Variants in CD2AP observed in about 807,000 individuals in gnomAD.
CD2AP encodes the protein CD2-associated protein.
Under a neutral mutation model 85.1 loss-of-function variants are expected in CD2AP, and 46 were observed. The ratio of observed to expected loss-of-function variants is 0.54; its 90% CI spans 0.43 to 0.69. CD2AP has a LOEUF of 0.69. CD2AP is among the 30% of genes least tolerant of loss of function. CD2AP has a pLI of 0.00. For missense variants in CD2AP, 769 were observed against 729.5 expected, an observed-to-expected ratio of 1.05 and a Z score of -0.62; for synonymous variants, 255 against 252.9, an observed-to-expected ratio of 1.01 and a Z score of -0.08.
At chr6:47,594,525 T>C (rs1277278612) in intron 11 of CD2AP, among the ~76,000 whole-genome samples, 1 of 152,042 alleles carries the variant, frequency 6.6e-6, no homozygotes, top group East Asian at 1.9e-4. Flanking sequence ...TTAATTTATA[T>C]CCTTTGACCA....
At position 47,610,971 on chromosome 6, in the gene CD2AP, A is replaced by ATATATATATATATATATT; in HGVS notation, c.1815-1501_1815-1500insATATATATATATATATTT. On this transcript the variant is annotated intron_variant, in intron 16 of 17. Coordinates refer to ENST00000359314, the MANE Select transcript of CD2AP (RefSeq NM_012120.3). Reference sequence around the variant, plus strand: ...GATTTATATATATATATATATATGTATTTTTTTTTTTTTTTGAATATAAAA... The same window carrying ATATATATATATATATATT: ...GATTTATATATATATATATATATGTATATATATATATATATATTTTTTTTTTTTTTTTTGAATATAAAA... Among the ~76,000 whole-genome samples the ATATATATATATATATATT allele has an allele frequency of 2.9e-3, 332 of 112,808 alleles. 4 individuals carry two copies. The highest frequency in any genetic ancestry group is 4.6e-3 in the Non-Finnish European group (256 of 55,868). 74.0% of individuals were successfully genotyped at this position (112,808 alleles called of 152,430 possible).
At chr6:47,497,912 CTGTT>C (rs1251734201) in intron 1 of CD2AP, among the ~76,000 whole-genome samples, 5 of 152,190 alleles carry the variant, frequency 3.3e-5, no homozygotes, top group African/African-American at 4.8e-5. Context: ...TTAGTATAGA[CTGTT>C]TGTTCCTTAG....
intron 3 of CD2AP, among the ~76,000 whole-genome samples, chr6:47,538,953 T>C (rs1767128081): frequency 6.6e-6 from 1 of 152,244 alleles, no homozygotes; most frequent in African/African-American, 2.4e-5. Context: ...TTTTTAAAAA[T>C]ACTAAACTTG....
intron 4 of CD2AP, among the ~76,000 whole-genome samples, chr6:47,550,156 A>G (rs1767474252): frequency 6.6e-6 from 1 of 152,212 alleles, no homozygotes; most frequent in African/African-American, 2.4e-5. Flanking sequence ...TTTGGCAAGG[A>G]TTTTGTGACC....
At chr6:47,524,782 A>G (rs750429637) in intron 2 of CD2AP, among the ~76,000 whole-genome samples, 20 of 152,316 alleles carry the variant, frequency 1.3e-4, no homozygotes, top group South Asian at 8.3e-4. Flanking sequence ...CCTTTGTCCA[A>G]AATGTGGAGA....
chr6:47,500,572 G>T (rs554753033), intron 1 of CD2AP, among the ~76,000 whole-genome samples: 1 of 152,270 alleles, frequency 6.6e-6, no homozygotes, highest in African/African-American at 2.4e-5. Context: ...ATAGTTAAAG[G>T]TGGTTAATCT....
intron 1 of CD2AP, among the ~76,000 whole-genome samples, chr6:47,499,055 T>C (rs966640466): frequency 2.9e-4 from 44 of 152,366 alleles, no homozygotes; most frequent in African/African-American, 1.0e-3. Flanking sequence ...CCTTTTGATA[T>C]CACTTCTGTG....
rs777032933 is a variant in CD2AP, at chr6:47,605,514, A to G, written c.1418-651A>G. Among the ~76,000 whole-genome samples the G allele has an allele frequency of 1.9e-4, 28 of 151,292 alleles. 1 individual carries two copies. The highest frequency in any genetic ancestry group is 3.4e-4 in the Non-Finnish European group (23 of 67,716). On this transcript the variant is annotated intron_variant, in intron 13 of 17. Transcript: ENST00000359314. The stretch of plus-strand genomic sequence containing the variant: ...TAGCTTTTTCTCTTTTTTTTTTGGT[A>G]TCTGATTTGCCTTAGATTTGTAGCT...
Position 47,625,657 on chromosome 6 carries a change from T to A in CD2AP, c.*1430T>A, listed in dbSNP as rs1467882820. On this transcript the variant is annotated 3_prime_UTR_variant, in exon 18 of 18. Coordinates refer to ENST00000359314, the MANE Select transcript of CD2AP (RefSeq NM_012120.3). ...CCAATGATCATGCTTCCATTTTTTT[T>A]AGTTTTAAACCACCAAACCAATATT... 1 of 151,860 alleles carries A rather than the reference T, an allele frequency of 6.6e-6. No individual in the cohort carries two copies. The highest frequency in any genetic ancestry group is 1.9e-4 in the East Asian group (1 of 5,206). The allele number at this position is 151,860 out of a possible 1,614,324, so 9.4% of individuals were successfully genotyped here. A position where few individuals can be genotyped will look rare whatever the true frequency, so the allele number is the denominator to read the frequency against.
intron 3 of CD2AP, among the ~76,000 whole-genome samples, chr6:47,534,170 A>C (rs529500778): frequency 6.6e-5 from 10 of 152,316 alleles, no homozygotes; most frequent in African/African-American, 2.4e-4. Flanking sequence ...TGGCCTTGCA[A>C]ATTACCTTGT....
chr6:47,581,773 A>T (rs556853875), intron 10 of CD2AP, among the ~76,000 whole-genome samples: 1 of 152,170 alleles, frequency 6.6e-6, no homozygotes, highest in Non-Finnish European at 1.5e-5. Context: ...AGAGGATATG[A>T]TCTCTAACAC....
chr6:47,577,539 T>C (rs1768346693), intron 8 of CD2AP, among the ~76,000 whole-genome samples: 2 of 152,194 alleles, frequency 1.3e-5, no homozygotes, highest in South Asian at 4.1e-4. Context: ...TCTGAAACTC[T>C]TTTTACTCTG....
Position 47,554,744 on chromosome 6 carries a change from T to C in CD2AP, c.519T>C (p.Thr173=). Residue 173 remains threonine, a synonymous_variant, in exon 5 of 18, where the codon ACT becomes ACC. Coordinates refer to ENST00000359314, the MANE Select transcript of CD2AP (RefSeq NM_012120.3). Reference sequence around the variant, plus strand: ...TAGAGGTAACAGATGATGGTGAAACTCATGAAGCCCAGGACGATTCAGGTA... The same window carrying C: ...TAGAGGTAACAGATGATGGTGAAACCCATGAAGCCCAGGACGATTCAGGTA... The part of the protein sequence containing the change: ...KELEVTDDGE[T]HEAQDDSETV... The C allele has an allele frequency of 6.2e-7, 1 of 1,613,512 alleles. No homozygotes were observed. Among genetic ancestry groups the C allele is most frequent in the Non-Finnish European group, 8.5e-7 (1 of 1,179,624 alleles).
rs1193891897 is a variant in CD2AP at position 47,525,273 on chromosome 6, T to A, written c.166-8329T>A. Among the ~76,000 whole-genome samples, 3 of 152,256 alleles carry A rather than the reference T, an allele frequency of 2.0e-5. No homozygotes were observed. The South Asian group carries it at 6.2e-4, about 32-fold the overall frequency. On this transcript the variant is annotated intron_variant, in intron 2 of 17. Coordinates refer to ENST00000359314, the MANE Select transcript of CD2AP (RefSeq NM_012120.3). ...ATACCACTTTTTCATATTGTCTGAT[T>A]ATGCTTCTGTGAAGTAGGAGATACT...
At position 47,566,613 on chromosome 6, in the gene CD2AP, C is replaced by T. The variant is rs554791881; in HGVS notation, c.542-7451C>T. ...CGACCCATCCTCTCAATTCTCCCTTCCCCCGCTCCTCACCCCTCAACAGGT... is the reference window on the plus strand; with the variant it reads ...CGACCCATCCTCTCAATTCTCCCTTTCCCCGCTCCTCACCCCTCAACAGGT... On this transcript the variant is annotated intron_variant, in intron 5 of 17. Transcript: ENST00000359314. Among the ~76,000 whole-genome samples the T allele has an allele frequency of 2.6e-5, 4 of 152,102 alleles. No homozygotes were observed. In the East Asian group the frequency reaches 5.8e-4, roughly 22 times the overall value.
chr6:47,487,562 C>T (rs928643836), intron 1 of CD2AP, among the ~76,000 whole-genome samples: 17 of 151,966 alleles, frequency 1.1e-4, no homozygotes, highest in South Asian at 4.2e-4. Flanking sequence ...TGGTGGCGGG[C>T]GCCTGTAGTC....
intron 13 of CD2AP, among the ~76,000 whole-genome samples, chr6:47,605,254 G>A (rs1232180759): frequency 6.6e-6 from 1 of 151,988 alleles, no homozygotes; most frequent in African/African-American, 2.4e-5. Flanking sequence ...GTAAAGGAAG[G>A]TTATATTAAA....
At chr6:47,546,164 A>G (rs1272987179) in intron 4 of CD2AP, among the ~76,000 whole-genome samples, 1 of 152,192 alleles carries the variant, frequency 6.6e-6, no homozygotes, top group African/African-American at 2.4e-5. Context: ...AATAAAAAAT[A>G]ATCAAAACTT....
At chr6:47,480,787 A>C (rs1324006506) in intron 1 of CD2AP, among the ~76,000 whole-genome samples, 3 of 152,236 alleles carry the variant, frequency 2.0e-5, no homozygotes, top group Admixed American at 1.3e-4. Context: ...TTTTCTTTAA[A>C]TAAAGGACCA....
Sources: gnomAD v4.1 joint callset for allele counts (sites outside exome capture counted in the v4.1 genomes callset) on GRCh38, gnomAD v4.1.1 for gene constraint, MANE v1.5 for transcripts, NCBI Gene and HGNC (gene_info 2026-07-23, HGNC 2026-07-21) for gene names.